TLK2: variants seen among roughly 807,000 people sequenced by gnomAD.
TLK2 encodes the protein serine/threonine-protein kinase tousled-like 2.
A neutral mutation model predicts 117.3 loss-of-function variants in TLK2; 6 were observed. The observed-to-expected ratio is 0.05, with a 90% CI of 0.03 to 0.10. TLK2 has a LOEUF of 0.10. Among genes scored for constraint, TLK2 ranks in the 10% least tolerant of loss-of-function variants. TLK2 has a pLI of 1.00. For synonymous variants in TLK2, 257 were observed against 316.7 expected (o/e 0.81, Z 2.00); for missense variants, 299 against 901.2 (o/e 0.33, Z 8.56).
At chr17:62,604,342 G>A (rs1358041955) in intron 19 of TLK2, among the ~76,000 whole-genome samples, 2 of 152,118 alleles carry the variant, frequency 1.3e-5, no homozygotes, top group East Asian at 3.9e-4. Context: ...CATAGACTAT[G>A]CCTTGAGAAT....
At chr17:62,473,746 G>A (rs993114702) in intron 1 of TLK2, among the ~76,000 whole-genome samples, 4 of 152,158 alleles carry the variant, frequency 2.6e-5, no homozygotes, top group African/African-American at 9.7e-5. Flanking sequence ...TTGGAACACA[G>A]CCATAATCCA....
chr17:62,528,005 T>C (rs1357670223), intron 6 of TLK2, among the ~76,000 whole-genome samples: 2 of 152,128 alleles, frequency 1.3e-5, no homozygotes, highest in Non-Finnish European at 2.9e-5. Flanking sequence ...CCTCCCAAAG[T>C]GTTGGGATTA....
At chr17:62,473,118 G>C (rs2070973031) in intron 1 of TLK2, among the ~76,000 whole-genome samples, 2 of 152,120 alleles carry the variant, frequency 1.3e-5, no homozygotes, top group Admixed American at 1.3e-4. Context: ...CTGTGGGGCT[G>C]GGGGGAAGGA....
chr17:62,474,494 C>G (rs2071000688), upstream of TLK2, among the ~76,000 whole-genome samples: 1 of 151,874 alleles, frequency 6.6e-6, no homozygotes, highest in Non-Finnish European at 1.5e-5. Flanking sequence ...ACTGCAAGCT[C>G]CACCTCCTGG....
chr17:62,531,289 A>G (rs1377010903), intron 6 of TLK2, among the ~76,000 whole-genome samples: 1 of 151,592 alleles, frequency 6.6e-6, no homozygotes, highest in East Asian at 1.9e-4. Context: ...TCTTGTCTTT[A>G]TATACTCCAT....
intron 16 of TLK2, among the ~76,000 whole-genome samples, chr17:62,591,466 G>C (rs924206288): frequency 2.8e-4 from 42 of 152,092 alleles, no homozygotes; most frequent in Non-Finnish European, 5.1e-4. Context: ...ATCCAGTCCA[G>C]TGGTGCCGAA....
At chr17:62,508,610 A>T in intron 2 of TLK2, 1 of 934,314 alleles carries the variant, frequency 1.1e-6, no homozygotes, top group Non-Finnish European at 1.3e-6. Flanking sequence ...GTTATATGAA[A>T]GTCTCAATGA....
intron 2 of TLK2, among the ~76,000 whole-genome samples, chr17:62,483,167 CA>C (rs2071892848): frequency 6.6e-6 from 1 of 152,140 alleles, no homozygotes; most frequent in Non-Finnish European, 1.5e-5. Context: ...GGCTAATGTC[CA>C]GATCTGTCTG....
intron 10 of TLK2, among the ~76,000 whole-genome samples, chr17:62,563,997 G>GT (rs1476034128): frequency 6.6e-6 from 1 of 152,108 alleles, no homozygotes; most frequent in African/African-American, 2.4e-5. Context: ...AGATGAATTG[G>GT]TAACAGTTCT....
At chr17:62,567,812 T>G (rs150925227) in intron 11 of TLK2, among the ~76,000 whole-genome samples, 439 of 152,266 alleles carry the variant, frequency 2.9e-3, no homozygotes, top group South Asian at 6.8e-3. Flanking sequence ...ACCATTTTTT[T>G]TTGTTGTTGT....
intron 2 of TLK2, among the ~76,000 whole-genome samples, chr17:62,496,125 C>T (rs1254886193): frequency 2.0e-5 from 3 of 152,146 alleles, no homozygotes; most frequent in Admixed American, 1.3e-4. Flanking sequence ...GATATATCTG[C>T]AAATACTTAT....
intron 2 of TLK2, among the ~76,000 whole-genome samples, chr17:62,511,224 A>G (rs1252733391): frequency 6.6e-6 from 1 of 152,226 alleles, no homozygotes; most frequent in Admixed American, 6.5e-5. Context: ...TGCAGAAACT[A>G]CTTCATCATA....
chr17:62,597,810 A>G (rs1212734490), intron 17 of TLK2, among the ~76,000 whole-genome samples: 1 of 151,658 alleles, frequency 6.6e-6, no homozygotes, highest in African/African-American at 2.4e-5. Flanking sequence ...GGTATAGGTA[A>G]CCTCCCGTGC....
In TLK2 at chr17:62,596,578, T is replaced by C. The variant is rs766637950; in HGVS notation, c.1461-7T>C. ...ACCTTCTTGTTAATTTTCCCTTTTG[T>C]TTACAGGCATGCATGTAGGGAATAC... is the stretch of plus-strand genomic sequence containing the variant. On this transcript the variant is annotated splice_polypyrimidine_tract_variant and splice_region_variant and intron_variant, in intron 16 of 21. Coordinates refer to ENST00000346027, the MANE Select transcript of TLK2 (RefSeq NM_006852.6). 3 of 1,612,248 alleles carry C rather than the reference T, an allele frequency of 1.9e-6. No individual in the cohort carries two copies. The highest frequency in any genetic ancestry group is 2.5e-6 in the Non-Finnish European group (3 of 1,178,424).
chr17:62,511,770 T>C (rs1270992383), intron 2 of TLK2, among the ~76,000 whole-genome samples: 1 of 152,224 alleles, frequency 6.6e-6, no homozygotes, highest in East Asian at 1.9e-4. Context: ...TGCTGTGCAG[T>C]GTTCCATGGT....
At chr17:62,537,550 G>A (rs1480677826) in intron 7 of TLK2, among the ~76,000 whole-genome samples, 1 of 152,118 alleles carries the variant, frequency 6.6e-6, no homozygotes, top group East Asian at 1.9e-4. Context: ...GTGTGTCTAC[G>A]GAGTCCCAGT....
At chr17:62,601,529 TATG>T (rs1227583480) in intron 18 of TLK2, among the ~76,000 whole-genome samples, 3 of 152,202 alleles carry the variant, frequency 2.0e-5, no homozygotes, top group Non-Finnish European at 4.4e-5. Flanking sequence ...AAACATTAAT[TATG>T]ATGAAGAAAT....
intron 6 of TLK2, among the ~76,000 whole-genome samples, chr17:62,534,790 G>A (rs2076993220): frequency 6.7e-6 from 1 of 149,860 alleles, no homozygotes; most frequent in Non-Finnish European, 1.5e-5. Context: ...AGCTTTAATT[G>A]AAAGGGTCTC....
chr17:62,573,320 T>C lies in TLK2; in HGVS notation c.1074T>C (p.Asn358=), dbSNP rs1416721928. ...PAMGQAPPAT[N]EQKQRKSKTN... ...TGGGTCAGGCCCCTCCTGCAACCAA[T>C]GAGCAGAAACAGCGGAAAAGCAAGA... The change falls in exon 12 of 22, where the codon AAT becomes AAC. Residue 358 remains asparagine, a synonymous_variant. Transcript: ENST00000346027. 1.2e-6 allele frequency: 2 copies of C among 1,613,918 alleles called. No individual in the cohort carries two copies. Among genetic ancestry groups the C allele is most frequent in the African/African-American group, 2.7e-5 (2 of 74,920 alleles).
Sources: gnomAD v4.1 joint callset for allele counts (sites outside exome capture counted in the v4.1 genomes callset) on GRCh38, gnomAD v4.1.1 for gene constraint, MANE v1.5 for transcripts, NCBI Gene and HGNC (gene_info 2026-07-23, HGNC 2026-07-21) for gene names.